Variants in NF1 observed in about 807,000 individuals in gnomAD.
NF1 encodes neurofibromin.
In NF1, 122 loss-of-function variants were observed where a neutral mutation model predicts 325.7. The observed-to-expected ratio is 0.37, with a 90% confidence interval of 0.32 to 0.44. NF1 has a LOEUF of 0.44. NF1 is among the 20% of genes least tolerant of loss of function. The pLI is 1.00. For missense variants in NF1, 2,140 were observed against 3,415.4 expected, an observed-to-expected ratio of 0.63 and a Z score of 9.31; for synonymous variants, 1,091 against 1,186.0, an observed-to-expected ratio of 0.92 and a Z score of 1.65.
At chr17:31,312,657 T>C (rs1054747152) in intron 36 of NF1, among the ~76,000 whole-genome samples, 3 of 151,960 alleles carry the variant, frequency 2.0e-5, no homozygotes, top group Non-Finnish European at 4.4e-5. Context: ...TGAAATAAAC[T>C]AAATATTAGA....
intron 1 of NF1, among the ~76,000 whole-genome samples, chr17:31,140,426 T>A (rs1025602869): frequency 1.3e-5 from 2 of 152,230 alleles, no homozygotes; most frequent in African/African-American, 4.8e-5. Context: ...AGCAATACTG[T>A]TATCTTGGAT....
At chr17:31,217,336 G>A (rs2066836456) in intron 13 of NF1, among the ~76,000 whole-genome samples, 1 of 150,552 alleles carries the variant, frequency 6.6e-6, no homozygotes, top group East Asian at 2.0e-4. Context: ...TTCTGAGACA[G>A]AGTCTCACTA....
At chr17:31,318,293 T>A (rs1451991841) in intron 36 of NF1, 1 of 1,589,766 alleles carries the variant, frequency 6.3e-7, no homozygotes, top group Admixed American at 1.9e-5. Context: ...CTACTTTGCA[T>A]TTTTCTTCAC....
chr17:31,154,732 C>CTTTTTTTTTTTTTTTTTTTT (rs71142026), intron 1 of NF1, among the ~76,000 whole-genome samples: 1 of 103,394 alleles, frequency 9.7e-6, no homozygotes, highest in Non-Finnish European at 1.9e-5. Context: ...TTAGTATTTC[C>CTTTTTTTTTTTTTTTTTTTT]TTTTTTTTTT....
intron 13 of NF1, among the ~76,000 whole-genome samples, chr17:31,217,547 C>T (rs1426868933): frequency 6.6e-6 from 1 of 151,900 alleles, no homozygotes; most frequent in Non-Finnish European, 1.5e-5. Flanking sequence ...TCAAGCACTC[C>T]GCCTGCCTTG....
At position 31,375,171 on chromosome 17, in the gene NF1, AG is replaced by A. The variant is rs1270182525; in HGVS notation, c.*1019del. 1.8e-5 allele frequency: 4 copies of A among 222,656 alleles called. No homozygotes were observed. Among genetic ancestry groups the A allele is most frequent in the African/African-American group, 8.9e-5 (4 of 44,804 alleles). 13.8% of individuals were successfully genotyped at this position (222,656 alleles called of 1,614,324 possible). A position where few individuals can be genotyped will look rare whatever the true frequency, so the allele number is the denominator to read the frequency against. On this transcript the variant is annotated 3_prime_UTR_variant, in exon 58 of 58. Transcript: ENST00000358273. Reference sequence around the variant, plus strand: ...CAAAATGGAATGGTACGTGACATTTAGGGTAGCTGATATTTTTATTTTGTTA... The same window carrying A: ...CAAAATGGAATGGTACGTGACATTTAGGTAGCTGATATTTTTATTTTGTTA...
chr17:31,331,052 A>C (rs1210764896), intron 39 of NF1: 3 of 152,164 alleles, frequency 2.0e-5, no homozygotes, highest in Non-Finnish European at 4.4e-5. Flanking sequence ...TAGTTTTATA[A>C]ATGTTGATCT....
intron 48 of NF1, among the ~76,000 whole-genome samples, chr17:31,347,836 T>C (rs2525566): frequency 0.4 from 57,056 of 141,438 alleles, 12,230 homozygotes; most frequent in Non-Finnish European, 0.56. Context: ...CTGCCCAAAC[T>C]CTTGCCAGCT....
At chr17:31,248,908 G>C in intron 29 of NF1, 76 bp from the exon 30 acceptor site, 2 of 1,439,850 alleles carry the variant, frequency 1.4e-6, no homozygotes, top group Non-Finnish European at 1.9e-6. Context: ...GTCTGTATAA[G>C]AGTCTCTTTT....
intron 47 of NF1, among the ~76,000 whole-genome samples, chr17:31,341,688 G>T (rs956666503): frequency 2.7e-5 from 4 of 147,016 alleles, no homozygotes; most frequent in South Asian, 2.2e-4. Flanking sequence ...GTGCTAATGG[G>T]GTGTGTGTGT....
At chr17:31,288,128 C>CA (rs939931936) in intron 36 of NF1, among the ~76,000 whole-genome samples, 17 of 150,824 alleles carry the variant, frequency 1.1e-4, no homozygotes, top group South Asian at 4.2e-4. Flanking sequence ...TTTAAAAATA[C>CA]AAAAAAAATA....
At chr17:31,117,670 C>A (rs71373665) in intron 1 of NF1, among the ~76,000 whole-genome samples, 1 of 12,214 alleles carries the variant, frequency 8.2e-5, no homozygotes, top group African/African-American at 1.5e-4. Context: ...AAAACTCCAT[C>A]TCAAAAAAAA....
At chr17:31,239,014 G>A (rs890755059) in intron 29 of NF1, among the ~76,000 whole-genome samples, 2 of 152,138 alleles carry the variant, frequency 1.3e-5, no homozygotes, top group African/African-American at 2.4e-5. Context: ...AATACATCTT[G>A]TCTGGCTTTC....
At position 31,254,761 on chromosome 17, in the gene NF1, T is replaced by A. The variant is rs184940918; in HGVS notation, c.4173+1761T>A. Among the ~76,000 whole-genome samples the A allele has an allele frequency of 3.8e-3, 572 of 152,006 alleles. 7 individuals carry two copies. The highest frequency in any genetic ancestry group is 0.013 in the African/African-American group (525 of 41,500). On this transcript the variant is annotated intron_variant, in intron 31 of 57. Coordinates refer to ENST00000358273, the MANE Select transcript of NF1 (RefSeq NM_001042492.3). Reference sequence around the variant, plus strand: ...TTCTACTAGAGTTATTTTCAAAAAATTTTTTTTTAATTTCTGGGTAACACC... The same window carrying A: ...TTCTACTAGAGTTATTTTCAAAAAAATTTTTTTTAATTTCTGGGTAACACC...
chr17:31,293,178 C>CAAAAAAAAAAAAAAAAAAAAAAAAAAA lies in NF1; in HGVS notation c.4835+27846_4835+27872dup, dbSNP rs71142044. On this transcript the variant is annotated intron_variant, in intron 36 of 57. Coordinates refer to ENST00000358273, the MANE Select transcript of NF1 (RefSeq NM_001042492.3). ...GGGGGATAAGAGCGAGACTTCGTCT[C>CAAAAAAAAAAAAAAAAAAAAAAAAAAA]AAAAAAAAAAAAAAAAAAAAAAAAA... Among the ~76,000 whole-genome samples the CAAAAAAAAAAAAAAAAAAAAAAAAAAA allele has an allele frequency of 1.5e-4, 10 of 64,882 alleles. 1 individual carries two copies. The highest frequency in any genetic ancestry group is 1.0e-3 in the East Asian group (2 of 1,984). 42.6% of individuals were successfully genotyped at this position (64,882 alleles called of 152,430 possible). A position where few individuals can be genotyped will look rare whatever the true frequency, so the allele number is the denominator to read the frequency against.
rs1325221771 is a variant in NF1, at chr17:31,197,700, G to A, written c.889-2722G>A. Among the ~76,000 whole-genome samples the A allele has an allele frequency of 3.3e-5, 5 of 152,220 alleles. No homozygotes were observed. In the South Asian group the frequency reaches 1.0e-3, roughly 32 times the overall value. ...TTAGCTCTAACAGCTTGTTTTTGGTGTGTATGTGTCATCTTTAGGGATTTC... is the reference window on the plus strand; with the variant it reads ...TTAGCTCTAACAGCTTGTTTTTGGTATGTATGTGTCATCTTTAGGGATTTC... On this transcript the variant is annotated intron_variant, in intron 8 of 57. Coordinates refer to ENST00000358273, the MANE Select transcript of NF1 (RefSeq NM_001042492.3).
intron 11 of NF1, among the ~76,000 whole-genome samples, chr17:31,203,000 G>A (rs955818102): frequency 6.6e-6 from 1 of 152,150 alleles, no homozygotes; most frequent in African/African-American, 2.4e-5. Flanking sequence ...TTGCATAAAT[G>A]CTTAAAATTT....
intron 36 of NF1, among the ~76,000 whole-genome samples, chr17:31,324,754 G>A (rs531912595): frequency 2.6e-5 from 4 of 152,116 alleles, no homozygotes; most frequent in Non-Finnish European, 5.9e-5. Context: ...TAGAGACAGC[G>A]TTTTGCCATG....
intron 30 of NF1, chr17:31,249,928 C>T: frequency 2.1e-6 from 1 of 485,738 alleles, no homozygotes; most frequent in Non-Finnish European, 4.1e-6. Flanking sequence ...TATCAAAACC[C>T]ATGTCTTTGT....
Sources: gnomAD v4.1 joint callset for allele counts (sites outside exome capture counted in the v4.1 genomes callset) on GRCh38, gnomAD v4.1.1 for gene constraint, MANE v1.5 for transcripts, NCBI Gene and HGNC (gene_info 2026-07-23, HGNC 2026-07-21) for gene names.